GDPD4: variants seen among roughly 807,000 people sequenced by gnomAD.
The protein encoded by GDPD4 is glycerophosphodiester phosphodiesterase domain containing 4.
In GDPD4, 60 loss-of-function variants were observed where a neutral mutation model predicts 67.8. The ratio of observed to expected loss-of-function variants is 0.88; its 90% CI spans 0.72 to 1.10. The LOEUF (loss-of-function observed/expected upper bound fraction) is 1.10. GDPD4 is among the 50% of genes least tolerant of loss of function. GDPD4 has a pLI of 0.00. For missense variants in GDPD4, 623 were observed against 613.9 expected (o/e 1.01, Z -0.16); for synonymous variants, 212 against 210.9 (o/e 1.00, Z -0.04).
Position 77,258,466 on chromosome 11 carries a change from A to T in GDPD4, c.784T>A (p.Ser262Thr). 1 of 1,614,138 alleles carries T rather than the reference A, an allele frequency of 6.2e-7. No individual in the cohort carries two copies. The highest frequency in any genetic ancestry group is 1.3e-5 in the African/African-American group (1 of 75,062). ...TTNIGEVQPE[S>T]ACENPAFFNW... The stretch of plus-strand genomic sequence containing the variant: ...AAGAAGGCAGGGTTCTCGCAGGCAG[A>T]TTCTGGCTGAACTTCCCCAATATTG... Residue 262 changes from serine (S) to threonine (T), a missense_variant, in exon 11 of 17, where the codon TCT becomes ACT. Physicochemically the swap from Ser to Thr is moderately conservative, Grantham distance 58 (BLOSUM62 1). Transcript: ENST00000315938.
In GDPD4 at chr11:77,258,325, C is replaced by A; in HGVS notation, c.864+61G>T. 2.0e-6 allele frequency: 3 copies of A among 1,478,842 alleles called. No homozygotes were observed. In the South Asian group the frequency reaches 3.4e-5, roughly 17 times the overall value. 91.6% of individuals were successfully genotyped at this position (1,478,842 alleles called of 1,614,324 possible). On this transcript the variant is annotated intron_variant, in intron 11 of 16. Transcript: ENST00000315938. ...CATCTATGGCCTTTATTTTCAGGAG[C>A]AGCACATGATCTCTTACAAAAATTC...
At chr11:77,251,436 T>G (rs1413065508) in intron 11 of GDPD4, among the ~76,000 whole-genome samples, 2 of 152,214 alleles carry the variant, frequency 1.3e-5, no homozygotes, top group African/African-American at 4.8e-5. Flanking sequence ...TTTTTGCTTG[T>G]CTGGGAAAGA....
Position 77,216,764 on chromosome 11 carries a change from T to TTA in GDPD4, c.*511_*512dup, listed in dbSNP as rs1235800224. 2 of 600,288 alleles carry TTA rather than the reference T, an allele frequency of 3.3e-6. No individual in the cohort carries two copies. Among genetic ancestry groups the TTA allele is most frequent in the African/African-American group, 3.7e-5 (2 of 53,846 alleles). 37.2% of individuals were successfully genotyped at this position (600,288 alleles called of 1,614,324 possible). A position where few individuals can be genotyped will look rare whatever the true frequency, so the allele number is the denominator to read the frequency against. On this transcript the variant is annotated 3_prime_UTR_variant, in exon 17 of 17. Transcript: ENST00000315938. ...GCCTCCGTGGCCCTTCTGTGTGCCT[T>TTA]TATCAACCACTCCCCACCATCACCA...
At position 77,226,501 on chromosome 11, in the gene GDPD4, T is replaced by TA. The variant is rs563963516; in HGVS notation, c.1525+1362dup. Among the ~76,000 whole-genome samples, 6 of 152,268 alleles carry TA rather than the reference T, an allele frequency of 3.9e-5. No individual in the cohort carries two copies. In the South Asian group the frequency reaches 1.0e-3, roughly 26 times the overall value. On this transcript the variant is annotated intron_variant, in intron 16 of 16. Transcript: ENST00000315938. ...AGTGAGAAGGCAGCTGCATTCAAGCTAAGAAGACAGTGCTCACTAGGGCTC... is the reference window on the plus strand; with the variant it reads ...AGTGAGAAGGCAGCTGCATTCAAGCTAAAGAAGACAGTGCTCACTAGGGCTC...
intron 1 of GDPD4, among the ~76,000 whole-genome samples, chr11:77,291,556 G>T (rs1281605401): frequency 1.3e-5 from 2 of 152,068 alleles, no homozygotes; most frequent in African/African-American, 4.8e-5. Context: ...TTTTCAAAGC[G>T]ATAGATATCC....
intron 16 of GDPD4, 57 bp downstream of exon 16, chr11:77,227,807 C>A: frequency 7.6e-7 from 1 of 1,313,132 alleles, no homozygotes; most frequent in Non-Finnish European, 1.1e-6. Context: ...GCCTCTGTCT[C>A]CTGGAAGCAA....
rs747087430 is a variant in GDPD4, at chr11:77,271,243, C to A, written c.307-20G>T. The A allele has an allele frequency of 9.3e-6, 15 of 1,609,736 alleles. No individual in the cohort carries two copies. The highest frequency in any genetic ancestry group is 1.3e-5 in the Non-Finnish European group (15 of 1,176,502). On this transcript the variant is annotated intron_variant, in intron 6 of 16. Transcript: ENST00000315938. ...AAAGATCTGTGAGAAAGCCAAAAGTCAGGCTGGATACATCTAGACAGCTAG... is the reference window on the plus strand; with the variant it reads ...AAAGATCTGTGAGAAAGCCAAAAGTAAGGCTGGATACATCTAGACAGCTAG...
At chr11:77,224,560 C>T (rs1006587944) in intron 16 of GDPD4, among the ~76,000 whole-genome samples, 1 of 152,156 alleles carries the variant, frequency 6.6e-6, no homozygotes, top group East Asian at 1.9e-4. Flanking sequence ...GGAGCTCAGA[C>T]CAAAACCCTG....
At chr11:77,274,148 C>T (rs182367019) in intron 5 of GDPD4, among the ~76,000 whole-genome samples, 4 of 152,358 alleles carry the variant, frequency 2.6e-5, no homozygotes, top group Admixed American at 2.0e-4. Flanking sequence ...AACTCCAAAA[C>T]AGATGTTGGA....
At chr11:77,272,767 C>G (rs1959275373) in intron 5 of GDPD4, among the ~76,000 whole-genome samples, 1 of 151,004 alleles carries the variant, frequency 6.6e-6, no homozygotes, top group East Asian at 1.9e-4. Flanking sequence ...CGGAGTGAGA[C>G]TCTGCCTCAA....
intron 13 of GDPD4, among the ~76,000 whole-genome samples, chr11:77,236,428 T>C (rs1958569450): frequency 6.6e-6 from 1 of 151,946 alleles, no homozygotes; most frequent in South Asian, 2.1e-4. Flanking sequence ...GACCTAACAT[T>C]CCAATTAAAA....
At position 77,289,854 on chromosome 11, in the gene GDPD4, G is replaced by A. The variant is rs1937709951; in HGVS notation, c.-253-2434C>T. ...GGAGGGGAAGGAAAGGAGGGAGGGA[G>A]AAGGGAGGGAGGAGGGAGGGAAAAG... On this transcript the variant is annotated intron_variant, in intron 1 of 16. Coordinates refer to ENST00000315938, the MANE Select transcript of GDPD4 (RefSeq NM_182833.3). 2.4e-5 allele frequency among the ~76,000 whole-genome samples: 3 copies of A among 125,442 alleles called. No individual in the cohort carries two copies. In the Admixed American group the frequency reaches 2.5e-4, roughly 11 times the overall value. The allele number at this position is 125,442 out of a possible 152,430, so 82.3% of individuals were successfully genotyped here.
intron 13 of GDPD4, among the ~76,000 whole-genome samples, chr11:77,235,295 T>C (rs2135833886): frequency 6.6e-6 from 1 of 152,238 alleles, no homozygotes; most frequent in East Asian, 1.9e-4. Context: ...GTAAGTTTGA[T>C]GCAGCAAGGT....
chr11:77,277,350 G>T (rs894355203), intron 4 of GDPD4, among the ~76,000 whole-genome samples: 2 of 145,828 alleles, frequency 1.4e-5, no homozygotes, highest in African/African-American at 5.0e-5. Context: ...TTTCTTTCCA[G>T]GCCTTCCAAA....
Position 77,254,094 on chromosome 11 carries a change from G to A in GDPD4, c.864+4292C>T, listed in dbSNP as rs1193342218. Among the ~76,000 whole-genome samples, 5 of 152,186 alleles carry A rather than the reference G, an allele frequency of 3.3e-5. No homozygotes were observed. In the South Asian group the frequency reaches 8.3e-4, roughly 25 times the overall value. ...AGCAAGATGTGAGTAGTTCCAAGAT[G>A]GCATTGCGCAGTAGCCATGTAGGCC... On this transcript the variant is annotated intron_variant, in intron 11 of 16. Coordinates refer to ENST00000315938, the MANE Select transcript of GDPD4 (RefSeq NM_182833.3).
At chr11:77,222,523 T>C (rs1160088111) in intron 16 of GDPD4, among the ~76,000 whole-genome samples, 1 of 149,296 alleles carries the variant, frequency 6.7e-6, no homozygotes, top group Admixed American at 6.6e-5. Flanking sequence ...GGGTTGAAAA[T>C]TCTTTTCTTT....
At chr11:77,276,347 CTTTA>C (rs1191509968) in intron 4 of GDPD4, 127 bp from the exon 5 acceptor site, 1 of 725,430 alleles carries the variant, frequency 1.4e-6, no homozygotes, top group South Asian at 1.6e-5. Flanking sequence ...TATACCTGTA[CTTTA>C]TTTAGCCTCT....
At chr11:77,258,610 TC>T in intron 10 of GDPD4, 68 bp from the exon 11 acceptor site, 1 of 1,469,466 alleles carries the variant, frequency 6.8e-7, no homozygotes, top group South Asian at 1.2e-5. Context: ...GTAGACAGGC[TC>T]CCCAGACAGT....
chr11:77,277,087 T>C (rs1959504254), intron 4 of GDPD4, among the ~76,000 whole-genome samples: 1 of 152,116 alleles, frequency 6.6e-6, no homozygotes. Flanking sequence ...TAAAATATAT[T>C]GCTTTATTGG....
Sources: gnomAD v4.1 joint callset for allele counts (sites outside exome capture counted in the v4.1 genomes callset) on GRCh38, gnomAD v4.1.1 for gene constraint, MANE v1.5 for transcripts, NCBI Gene and HGNC (gene_info 2026-07-23, HGNC 2026-07-21) for gene names.